Variants in SUFU observed in about 807,000 individuals in gnomAD.
SUFU encodes the protein SUFU negative regulator of hedgehog signaling, also known as suppressor of fused homolog.
SUFU carries 7 observed loss-of-function variants against 58.9 expected under a neutral mutation model. The observed-to-expected ratio is 0.12, with a 90% CI of 0.07 to 0.22. SUFU has a LOEUF of 0.22. Among genes scored for constraint, SUFU ranks in the 10% least tolerant of loss-of-function variants. The probability of loss-of-function intolerance (pLI) is 1.00; values close to 1 mark genes in which losing one functional copy is unlikely to be tolerated. For missense variants in SUFU, 451 were observed against 641.3 expected (o/e 0.70, Z 3.20); for synonymous variants, 232 against 254.8 (o/e 0.91, Z 0.85).
Position 102,589,442 on chromosome 10 carries a change from C to CT in SUFU, c.455-3119dup, listed in dbSNP as rs747625757. On this transcript the variant is annotated intron_variant, in intron 3 of 11. Coordinates refer to ENST00000369902, the MANE Select transcript of SUFU (RefSeq NM_016169.4). ...CAATCTGGAAGTATTTTCTTTCTTT[C>CT]TTTTTTTTTTTTTTTTTTTTTGAGA... Among the ~76,000 whole-genome samples the CT allele has an allele frequency of 8.3e-4, 54 of 65,338 alleles. 5 individuals are homozygous for CT. The highest frequency in any genetic ancestry group is 8.2e-4 in the Admixed American group (3 of 3,644). 42.9% of individuals were successfully genotyped at this position (65,338 alleles called of 152,430 possible).
At chr10:102,622,343 C>T (rs1398465159) in intron 10 of SUFU, among the ~76,000 whole-genome samples, 2 of 152,204 alleles carry the variant, frequency 1.3e-5, no homozygotes, top group East Asian at 1.9e-4. Flanking sequence ...CGGTGGCTCA[C>T]GCCTGTAATC....
At chr10:102,524,445 C>G (rs906028325) in intron 2 of SUFU, among the ~76,000 whole-genome samples, 5 of 151,618 alleles carry the variant, frequency 3.3e-5, no homozygotes, top group Non-Finnish European at 7.4e-5. Flanking sequence ...CCTGCCTCAC[C>G]CTCCCAAGTA....
intron 3 of SUFU, among the ~76,000 whole-genome samples, chr10:102,588,385 T>C: frequency 7.0e-6 from 1 of 142,474 alleles, no homozygotes. Context: ...AGAGCAAGAC[T>C]CTGTCTCAAA....
chr10:102,547,151 T>G (rs2062864031), intron 2 of SUFU, among the ~76,000 whole-genome samples: 1 of 152,230 alleles, frequency 6.6e-6, no homozygotes, highest in Admixed American at 6.5e-5. Context: ...AGTAATAGTC[T>G]AATACATTTT....
At chr10:102,553,639 G>A (rs1474610794) in intron 3 of SUFU, among the ~76,000 whole-genome samples, 2 of 151,788 alleles carry the variant, frequency 1.3e-5, no homozygotes, top group Non-Finnish European at 2.9e-5. Context: ...AATTTTTTGC[G>A]TTTTTAGTAG....
chr10:102,609,561 C>G (rs897925398), intron 8 of SUFU, among the ~76,000 whole-genome samples: 1 of 152,208 alleles, frequency 6.6e-6, no homozygotes, highest in African/African-American at 2.4e-5. Flanking sequence ...AGAAGAAAAC[C>G]TAGACCCAAT....
intron 8 of SUFU, among the ~76,000 whole-genome samples, chr10:102,604,292 C>T (rs2063541871): frequency 1.3e-5 from 2 of 152,262 alleles, no homozygotes; most frequent in African/African-American, 4.8e-5. Flanking sequence ...TCACTGTGAT[C>T]CATGTTGTCA....
chr10:102,616,488 C>T (rs1030032405), intron 9 of SUFU, among the ~76,000 whole-genome samples: 5 of 152,210 alleles, frequency 3.3e-5, no homozygotes, highest in Admixed American at 2.6e-4. Flanking sequence ...CCTGGAGGGG[C>T]CCACTGCCAT....
At chr10:102,565,839 C>A (rs1247548688) in intron 3 of SUFU, among the ~76,000 whole-genome samples, 1 of 152,236 alleles carries the variant, frequency 6.6e-6, no homozygotes, top group Non-Finnish European at 1.5e-5. Flanking sequence ...AGCCACCACG[C>A]CTGGCCGAAA....
chr10:102,559,484 T>C (rs976123110), intron 3 of SUFU, among the ~76,000 whole-genome samples: 1 of 152,218 alleles, frequency 6.6e-6, no homozygotes, highest in African/African-American at 2.4e-5. Flanking sequence ...GGCTGTCATT[T>C]CACCTGCTAT....
intron 3 of SUFU, among the ~76,000 whole-genome samples, chr10:102,558,109 C>G (rs545085627): frequency 6.6e-6 from 1 of 152,210 alleles, no homozygotes; most frequent in East Asian, 1.9e-4. Flanking sequence ...ACCATGTTGG[C>G]CAGGCTGGTC....
chr10:102,626,048 T>C (rs2063783478), intron 10 of SUFU, among the ~76,000 whole-genome samples: 1 of 152,148 alleles, frequency 6.6e-6, no homozygotes, highest in Non-Finnish European at 1.5e-5. Flanking sequence ...GTGCCCTACC[T>C]GGGTGCTCAA....
chr10:102,509,777 C>T (rs1259835495), intron 2 of SUFU, among the ~76,000 whole-genome samples: 1 of 152,166 alleles, frequency 6.6e-6, no homozygotes, highest in African/African-American at 2.4e-5. Context: ...ATCTATCTTA[C>T]CTACTTCCTT....
intron 3 of SUFU, among the ~76,000 whole-genome samples, chr10:102,576,013 GTTT>G (rs67264950): frequency 7.0e-6 from 1 of 142,388 alleles, no homozygotes; most frequent in Non-Finnish European, 1.5e-5. Context: ...ATTTTTCTGT[GTTT>G]TTTTTTTTTT....
At chr10:102,532,796 G>A (rs2062691076) in intron 2 of SUFU, among the ~76,000 whole-genome samples, 1 of 152,194 alleles carries the variant, frequency 6.6e-6, no homozygotes, top group African/African-American at 2.4e-5. Context: ...GGAGGTATAG[G>A]ACCTGTTTCA....
At chr10:102,568,894 AAAAATATAT>A (rs2063124371) in intron 3 of SUFU, among the ~76,000 whole-genome samples, 2 of 24,592 alleles carry the variant, frequency 8.1e-5, no homozygotes, top group East Asian at 1.4e-3. Context: ...AAAAAAAAAA[AAAAATATAT>A]ATATATATAT....
chr10:102,597,361 C>T (rs2063474319), intron 7 of SUFU, 68 bp downstream of exon 7: 2 of 1,573,458 alleles, frequency 1.3e-6, no homozygotes, highest in South Asian at 2.3e-5. Context: ...GGTTTCCAGT[C>T]TCTCTAGGAT....
chr10:102,618,931 C>CAT (rs1554854955), intron 10 of SUFU: 1 of 573,972 alleles, frequency 1.7e-6, no homozygotes, highest in South Asian at 2.0e-5. Flanking sequence ...CCTCAGGTAG[C>CAT]GTGTGTGTGT....
In SUFU at chr10:102,550,237, G is replaced by A. The variant is rs546329329; in HGVS notation, c.454+131G>A. The A allele has an allele frequency of 2.0e-3, 2,807 of 1,425,860 alleles. 6 individuals are homozygous for A. Among genetic ancestry groups the A allele is most frequent in the Non-Finnish European group, 2.5e-3 (2,649 of 1,044,500 alleles). The allele number at this position is 1,425,860 out of a possible 1,614,324, so 88.3% of individuals were successfully genotyped here. ...GAGTACTATGCCCCAATTCTACCAT[G>A]AGGATGGCTTGTTTTGCCTGGTGTT... On this transcript the variant is annotated intron_variant, in intron 3 of 11. Coordinates refer to ENST00000369902, the MANE Select transcript of SUFU (RefSeq NM_016169.4).
Sources: allele counts gnomAD v4.1 joint callset (sites outside exome capture counted in the v4.1 genomes callset), GRCh38; gene constraint gnomAD v4.1.1; transcripts MANE v1.5; gene names NCBI Gene and HGNC (gene_info 2026-07-23, HGNC 2026-07-21).